NIBAN2: variants seen among roughly 807,000 people sequenced by gnomAD.
NIBAN2 encodes the protein niban apoptosis regulator 2.
NIBAN2 carries 36 observed loss-of-function variants against 81.8 expected under a neutral mutation model. The ratio of observed to expected loss-of-function variants is 0.44; its 90% CI spans 0.34 to 0.58. The LOEUF is 0.58. Among genes scored for constraint, NIBAN2 ranks in the 20% least tolerant of loss-of-function variants. The pLI is 0.02. For synonymous variants in NIBAN2, 445 were observed against 441.6 expected (o/e 1.01, Z -0.10); for missense variants, 897 against 1,014.1 (o/e 0.88, Z 1.57).
chr9:127,560,370 C>T (rs749171317), intron 1 of NIBAN2, among the ~76,000 whole-genome samples: 3 of 152,114 alleles, frequency 2.0e-5, no homozygotes, highest in Admixed American at 1.3e-4. Flanking sequence ...CAGGTCCAGT[C>T]CCTCTCACCA....
chr9:127,508,293 G>A lies in NIBAN2; in HGVS notation c.1435-93C>T, dbSNP rs956441337. On this transcript the variant is annotated intron_variant, in intron 11 of 13. Coordinates refer to ENST00000373312, the MANE Select transcript of NIBAN2 (RefSeq NM_022833.4). This position sits in a 1 kb window ranked among gnomAD's most constrained non-coding sequence, Gnocchi z 6.4. ...GGCCAGTGGTCTGACCCAAGCCTCC[G>A]AGTCCTCATCCGCACAAGAGGACCA... 9.8e-6 allele frequency: 13 copies of A among 1,333,330 alleles called. No individual in the cohort carries two copies. The highest frequency in any genetic ancestry group is 1.4e-5 in the African/African-American group (1 of 69,528). The allele number at this position is 1,333,330 out of a possible 1,614,324, so 82.6% of individuals were successfully genotyped here.
chr9:127,523,161 G>A (rs1369001884), intron 5 of NIBAN2, among the ~76,000 whole-genome samples: 1 of 85,288 alleles, frequency 1.2e-5, no homozygotes, highest in African/African-American at 4.7e-5. Flanking sequence ...CCTGCAGGTT[G>A]GTGGTTTTAA....
chr9:127,509,639 A>T (rs564233081), intron 9 of NIBAN2, among the ~76,000 whole-genome samples: 17 of 152,146 alleles, frequency 1.1e-4, no homozygotes, highest in Non-Finnish European at 2.4e-4. Flanking sequence ...GAGACTGTGG[A>T]AGGACGTTCA....
chr9:127,506,833 G>C lies in NIBAN2; in HGVS notation c.*12C>G. Reference sequence around the variant, plus strand: ...GGCCTGTGCCATGTGCAGCAGTCAGGGACCCACTGGCCTAGAACTCAGTCT... The same window carrying C: ...GGCCTGTGCCATGTGCAGCAGTCAGCGACCCACTGGCCTAGAACTCAGTCT... On this transcript the variant is annotated 3_prime_UTR_variant, in exon 14 of 14. Coordinates refer to ENST00000373312, the MANE Select transcript of NIBAN2 (RefSeq NM_022833.4). 1 of 1,591,246 alleles carries C rather than the reference G, an allele frequency of 6.3e-7. No homozygotes were observed. Among genetic ancestry groups the C allele is most frequent in the Middle Eastern group, 1.8e-4 (1 of 5,508 alleles).
intron 5 of NIBAN2, among the ~76,000 whole-genome samples, chr9:127,523,194 T>A (rs7860744): frequency 0.57 from 5,702 of 10,076 alleles, 1,436 homozygotes; most frequent in African/African-American, 0.63. Flanking sequence ...AAAAAAAAAA[T>A]ATATATATAT....
chr9:127,567,723 A>T (rs772495618), intron 1 of NIBAN2, among the ~76,000 whole-genome samples: 1 of 152,192 alleles, frequency 6.6e-6, no homozygotes, highest in Non-Finnish European at 1.5e-5. Context: ...CCCACTAGAC[A>T]GCGAGGGGCG....
At chr9:127,569,237 C>G, upstream of NIBAN2, 1 of 340,548 alleles carries the variant, frequency 2.9e-6, no homozygotes, top group South Asian at 1.2e-4. Context: ...CCCCCTGCGC[C>G]CCACCCAGCC....
At chr9:127,573,791 G>A (rs1019283433), upstream of NIBAN2, among the ~76,000 whole-genome samples, 1 of 152,114 alleles carries the variant, frequency 6.6e-6, no homozygotes, top group Non-Finnish European at 1.5e-5. Context: ...CCAAGTAGCT[G>A]GGATTACAGG....
chr9:127,538,136 T>C (rs1837312179), intron 1 of NIBAN2, among the ~76,000 whole-genome samples: 1 of 152,038 alleles, frequency 6.6e-6, no homozygotes, highest in Non-Finnish European at 1.5e-5. Context: ...TTCAGCAAGT[T>C]GGTTGAATAA....
chr9:127,526,439 T>C (rs888208698), intron 3 of NIBAN2, among the ~76,000 whole-genome samples: 1 of 150,634 alleles, frequency 6.6e-6, no homozygotes, highest in Non-Finnish European at 1.5e-5. Flanking sequence ...GATGCAAATC[T>C]TGGCTCCCAA....
At position 127,507,190 on chromosome 9, in the gene NIBAN2, C is replaced by A; in HGVS notation, c.1896G>T (p.Gly632=). ...VVSVVQDEEV[G]LPFEASPESP... ...ACTCAGGGCTAGCCTCAAAGGGCAG[C>A]CCCACCTCCTCATCCTGGACCACAG... Residue 632 remains glycine (G), a synonymous_variant, in exon 14 of 14, where the codon GGG becomes GGT. Coordinates refer to ENST00000373312, the MANE Select transcript of NIBAN2 (RefSeq NM_022833.4). The surrounding 1 kb of genome is among the most constrained non-coding windows in gnomAD (Gnocchi z 6.8). The A allele has an allele frequency of 6.2e-7, 1 of 1,612,934 alleles. No individual in the cohort carries two copies. The highest frequency in any genetic ancestry group is 8.5e-7 in the Non-Finnish European group (1 of 1,179,778).
At chr9:127,557,904 A>T (rs970739953) in intron 1 of NIBAN2, among the ~76,000 whole-genome samples, 5 of 152,056 alleles carry the variant, frequency 3.3e-5, no homozygotes, top group Non-Finnish European at 5.9e-5. Flanking sequence ...CACTCTAGAG[A>T]TGGGGAACTG....
upstream of NIBAN2, among the ~76,000 whole-genome samples, chr9:127,573,426 G>A (rs1250792082): frequency 6.7e-6 from 1 of 149,644 alleles, no homozygotes; most frequent in Admixed American, 6.7e-5. Flanking sequence ...TCTTTGGGTG[G>A]GGAAGGAATG....
intron 8 of NIBAN2, among the ~76,000 whole-genome samples, chr9:127,514,253 G>T (rs1588153691): frequency 7.2e-6 from 1 of 138,392 alleles, no homozygotes; most frequent in East Asian, 2.0e-4. Flanking sequence ...TGGGCAAGAA[G>T]AGTGAGACTC....
chr9:127,561,250 G>C, intron 1 of NIBAN2: 1 of 985,494 alleles, frequency 1.0e-6, no homozygotes, highest in Non-Finnish European at 1.2e-6. Flanking sequence ...TGGAAGGGAA[G>C]AAGATTCTCA....
intron 1 of NIBAN2, among the ~76,000 whole-genome samples, chr9:127,547,471 C>T (rs1837492624): frequency 1.3e-5 from 2 of 151,492 alleles, no homozygotes; most frequent in East Asian, 1.9e-4. Flanking sequence ...GAGCTGAGAT[C>T]GCGCCACTGC....
chr9:127,545,880 C>G lies in NIBAN2; in HGVS notation c.56-14102G>C, dbSNP rs562614239. 6.6e-5 allele frequency among the ~76,000 whole-genome samples: 10 copies of G among 152,354 alleles called. No individual in the cohort carries two copies. In the South Asian group the frequency reaches 1.7e-3, roughly 25 times the overall value. ...AGCCCTCTCATCCCCTCCTGCCCCC[C>G]ACCCCGCCTGCCTGGCAGCGGCCCC... On this transcript the variant is annotated intron_variant, in intron 1 of 13. Coordinates refer to ENST00000373312, the MANE Select transcript of NIBAN2 (RefSeq NM_022833.4). This position sits in a 1 kb window ranked among gnomAD's most constrained non-coding sequence, Gnocchi z 4.7.
chr9:127,509,200 T>C (rs2132151685), intron 9 of NIBAN2, 69 bp from the exon 10 acceptor site: 2 of 1,464,876 alleles, frequency 1.4e-6, no homozygotes, highest in Admixed American at 4.5e-5. Flanking sequence ...CCCACACACT[T>C]TGCCTGGGTC....
intron 1 of NIBAN2, among the ~76,000 whole-genome samples, chr9:127,533,025 G>T (rs1480145470): frequency 1.3e-5 from 2 of 152,142 alleles, no homozygotes; most frequent in African/African-American, 2.4e-5. Flanking sequence ...AGGCATGGTG[G>T]CGGGTACCTG....
Sources: gnomAD v4.1 joint callset for allele counts (sites outside exome capture counted in the v4.1 genomes callset) on GRCh38, gnomAD v4.1.1 for gene constraint, Gnocchi (gnomAD v3.1) non-coding constraint, MANE v1.5 for transcripts, NCBI Gene and HGNC (gene_info 2026-07-23, HGNC 2026-07-21) for gene names.